Variants in POLR1D observed in about 807,000 individuals in gnomAD.
POLR1D encodes the protein RNA polymerase I and III subunit D.
In POLR1D, 8 loss-of-function variants were observed where a neutral mutation model predicts 10.8. The ratio of observed to expected loss-of-function variants is 0.74; its 90% CI spans 0.43 to 1.33. The LOEUF (loss-of-function observed/expected upper bound fraction) is 1.33. Ranked by LOEUF, POLR1D falls within the 40% of genes most tolerant of loss-of-function variation. POLR1D has a pLI of 0.01. For synonymous variants in POLR1D, 54 were observed against 57.2 expected, an observed-to-expected ratio of 0.94 and a Z score of 0.25; for missense variants, 152 against 161.7, an observed-to-expected ratio of 0.94 and a Z score of 0.32.
downstream of POLR1D, among the ~76,000 whole-genome samples, chr13:27,625,691 T>G (rs1593277221): frequency 6.7e-6 from 1 of 150,282 alleles, no homozygotes. Context: ...GACAAAGAAG[T>G]GGGCCCAGAA....
rs527876028 is a variant in POLR1D at position 27,639,233 on chromosome 13, T to C, written c.27-9146T>C. ...CTCTTAAAGAGATAACAAAATACATTTTATTGAGTAAAAGAACTCAATAAT... is the reference window on the plus strand; with the variant it reads ...CTCTTAAAGAGATAACAAAATACATCTTATTGAGTAAAAGAACTCAATAAT... On this transcript the variant is annotated intron_variant, in intron 1 of 2. Coordinates refer to the POLR1D transcript ENST00000399697. 2.6e-4 allele frequency among the ~76,000 whole-genome samples: 39 copies of C among 152,354 alleles called. No individual in the cohort carries two copies. In the South Asian group the frequency reaches 5.0e-3, roughly 19 times the overall value.
intron 1 of POLR1D, among the ~76,000 whole-genome samples, chr13:27,622,546 C>T (rs1955956131): frequency 6.6e-6 from 1 of 152,180 alleles, no homozygotes. Context: ...TCTCTTCATC[C>T]TCTAGCAGGA....
chr13:27,661,832 G>A (rs1241268838), intron 2 of POLR1D, among the ~76,000 whole-genome samples: 3 of 152,144 alleles, frequency 2.0e-5, no homozygotes, highest in East Asian at 1.9e-4. Flanking sequence ...TACTTCAACC[G>A]TTAGTTTTAC....
At chr13:27,639,543 A>G (rs1340058888) in intron 1 of POLR1D, among the ~76,000 whole-genome samples, 2 of 152,248 alleles carry the variant, frequency 1.3e-5, no homozygotes. Context: ...TTGAAAAACA[A>G]TCACTGTATT....
In POLR1D at chr13:27,636,294, T is replaced by C. The variant is rs148312229; in HGVS notation, c.27-12085T>C. On this transcript the variant is annotated intron_variant, in intron 1 of 2. Transcript: ENST00000399697. ...GAGTTAAATTTTCAAAAACCAGATATTATTTAGTGTTAGGCAAGTTGTTAA... is the reference window on the plus strand; with the variant it reads ...GAGTTAAATTTTCAAAAACCAGATACTATTTAGTGTTAGGCAAGTTGTTAA... 2.4e-3 allele frequency among the ~76,000 whole-genome samples: 367 copies of C among 152,324 alleles called. 2 individuals carry two copies. Among genetic ancestry groups the C allele is most frequent in the African/African-American group, 8.4e-3 (349 of 41,566 alleles).
chr13:27,636,525 G>A (rs1016574705), intron 1 of POLR1D, among the ~76,000 whole-genome samples: 45 of 152,056 alleles, frequency 3.0e-4, no homozygotes, highest in Admixed American at 1.6e-3. Flanking sequence ...AACACTGGGC[G>A]TTCAGGAATT....
chr13:27,630,489 C>G (rs1159403400), intron 1 of POLR1D, among the ~76,000 whole-genome samples: 1 of 152,108 alleles, frequency 6.6e-6, no homozygotes, highest in Non-Finnish European at 1.5e-5. Flanking sequence ...GAGAGACTTT[C>G]TCTTTCTCTG....
chr13:27,653,715 TAAATC>T (rs1005404353), intron 2 of POLR1D, among the ~76,000 whole-genome samples: 5 of 152,202 alleles, frequency 3.3e-5, no homozygotes, highest in Non-Finnish European at 7.3e-5. Flanking sequence ...TTTTAAATAA[TAAATC>T]AAATACATTA....
intron 1 of POLR1D, among the ~76,000 whole-genome samples, chr13:27,629,702 TCTC>T (rs1956054605): frequency 6.6e-6 from 1 of 152,140 alleles, no homozygotes; most frequent in Admixed American, 6.5e-5. Context: ...AAATTGTGTT[TCTC>T]CTCTTTTTAA....
chr13:27,665,999 C>T (rs1555274408), exon 3 of POLR1D: 17 of 1,586,138 alleles, frequency 1.1e-5, no homozygotes, highest in Admixed American at 6.9e-5. Context: ...CGTGCTCCTT[C>T]GGGGTGCGGT....
At position 27,623,308 on chromosome 13, in the gene POLR1D, C is replaced by T; in HGVS notation, c.*58C>T. 6.2e-7 allele frequency: 1 copy of T among 1,608,124 alleles called. No homozygotes were observed. Among genetic ancestry groups the T allele is most frequent in the Non-Finnish European group, 8.5e-7 (1 of 1,177,972 alleles). ...GTAGGATATTCTCTTCCTGATGGTG[C>T]AGAACCCAGAATTAGAAGTTTGTGG... On this transcript the variant is annotated 3_prime_UTR_variant, in exon 2 of 2. Transcript: ENST00000302979.
chr13:27,657,965 C>T (rs774363365), intron 2 of POLR1D, among the ~76,000 whole-genome samples: 1 of 152,208 alleles, frequency 6.6e-6, no homozygotes, highest in Non-Finnish European at 1.5e-5. Context: ...CTTCTACTCA[C>T]TAGTGCTGGG....
At chr13:27,660,476 C>A (rs1198560008) in intron 2 of POLR1D, among the ~76,000 whole-genome samples, 1 of 152,200 alleles carries the variant, frequency 6.6e-6, no homozygotes, top group Non-Finnish European at 1.5e-5. Flanking sequence ...AAAAATAATT[C>A]TTATTTCCCA....
At chr13:27,623,468 G>A (rs1955974627), downstream of POLR1D, 1 of 1,031,816 alleles carries the variant, frequency 9.7e-7, no homozygotes, top group Admixed American at 3.3e-5. Context: ...ACTGGTTTCT[G>A]TTCCATGCAA....
downstream of POLR1D, among the ~76,000 whole-genome samples, chr13:27,623,762 A>G (rs192762587): frequency 6.6e-6 from 1 of 152,288 alleles, no homozygotes; most frequent in East Asian, 1.9e-4. Flanking sequence ...TGATTGGTAG[A>G]CTTGGCAAGG....
chr13:27,661,684 T>C (rs1410816111), intron 2 of POLR1D, among the ~76,000 whole-genome samples: 3 of 152,144 alleles, frequency 2.0e-5, no homozygotes, highest in Non-Finnish European at 2.9e-5. Flanking sequence ...CTGTGGAAGA[T>C]CGGGGGAGGC....
At chr13:27,632,276 AG>A (rs1291248331) in intron 1 of POLR1D, among the ~76,000 whole-genome samples, 3 of 152,198 alleles carry the variant, frequency 2.0e-5, no homozygotes, top group Non-Finnish European at 4.4e-5. Flanking sequence ...GAACTCTAGG[AG>A]GGAAAAAGTG....
At chr13:27,642,599 C>T (rs909705929) in intron 1 of POLR1D, among the ~76,000 whole-genome samples, 4 of 151,758 alleles carry the variant, frequency 2.6e-5, no homozygotes, top group Non-Finnish European at 5.9e-5. Context: ...TGTATCATGT[C>T]CCACACATAC....
At chr13:27,648,437 A>G in exon 2 of POLR1D, 2 of 1,607,518 alleles carry the variant, frequency 1.2e-6, no homozygotes, top group Non-Finnish European at 1.7e-6. Flanking sequence ...AGCTGAAACA[A>G]TGGGACCCAT....
Sources: gnomAD v4.1 joint callset for allele counts (sites outside exome capture counted in the v4.1 genomes callset) on GRCh38, gnomAD v4.1.1 for gene constraint, MANE v1.5 for transcripts, NCBI Gene and HGNC (gene_info 2026-07-23, HGNC 2026-07-21) for gene names.